The following PTCH2 variants were observed in gnomAD, a reference collection of about 807,000 sequenced individuals.
PTCH2 encodes the protein protein patched homolog 2.
A neutral mutation model predicts 117.9 loss-of-function variants in PTCH2; 96 were observed. The observed-to-expected ratio is 0.81, with a 90% CI of 0.69 to 0.96. The LOEUF (loss-of-function observed/expected upper bound fraction) is 0.96, where lower values mean the gene tolerates loss of function less well. Among genes scored for constraint, PTCH2 ranks in the 50% least tolerant of loss-of-function variants. PTCH2 has a pLI of 0.00. For synonymous variants in PTCH2, 615 were observed against 660.9 expected (o/e 0.93, Z 1.06); for missense variants, 1,379 against 1,562.5 (o/e 0.88, Z 1.98).
chr1:44,830,587 C>CAAAAAAAAAAAAAAAAAAAAAAAAAAAA lies in PTCH2; in HGVS notation c.813+260_813+261insTTTTTTTTTTTTTTTTTTTTTTTTTTTT, dbSNP rs768951349. Reference sequence around the variant, plus strand: ...CCAGCCTGGGTGACAGAGTGAGACTCAAAAAAAAAAAAAAAAAGAAGTCCA... The same window carrying CAAAAAAAAAAAAAAAAAAAAAAAAAAAA: ...CCAGCCTGGGTGACAGAGTGAGACTCAAAAAAAAAAAAAAAAAAAAAAAAAAAAAAAAAAAAAAAAAAAAAGAAGTCCA... On this transcript the variant is annotated intron_variant, in intron 6 of 21. Coordinates refer to ENST00000372192, the MANE Select transcript of PTCH2 (RefSeq NM_003738.5). Among the ~76,000 whole-genome samples, 145 of 65,086 alleles carry CAAAAAAAAAAAAAAAAAAAAAAAAAAAA rather than the reference C, an allele frequency of 2.2e-3. 12 individuals are homozygous for CAAAAAAAAAAAAAAAAAAAAAAAAAAAA. The highest frequency in any genetic ancestry group is 8.7e-3 in the African/African-American group (127 of 14,648). The allele number at this position is 65,086 out of a possible 152,430, so 42.7% of individuals were successfully genotyped here. A position where few individuals can be genotyped will look rare whatever the true frequency, so the allele number is the denominator to read the frequency against.
In PTCH2 at chr1:44,827,848, C is replaced by G; in HGVS notation, c.2053G>C (p.Ala685Pro). ...CCTGCTCTGCCCAGTCTTACCTTAG[C>G]ATGTGACTGGAGCAGCAACGGGGCA... ...QFAPLLLQSHAKAIVLVLFGA... is the reference protein window; with the variant it reads ...QFAPLLLQSHPKAIVLVLFGA... The change falls in exon 14 of 22, where the codon GCT becomes CCT. Residue 685 changes from alanine (A) to proline (P), a missense_variant. Physicochemically the swap from Ala to Pro is conservative, Grantham distance 27. Coordinates refer to ENST00000372192, the MANE Select transcript of PTCH2 (RefSeq NM_003738.5). 1 of 1,614,110 alleles carries G rather than the reference C, an allele frequency of 6.2e-7. No individual in the cohort carries two copies. The highest frequency in any genetic ancestry group is 8.5e-7 in the Non-Finnish European group (1 of 1,180,016).
At chr1:44,828,806 A>C (rs1306528667) in intron 11 of PTCH2, among the ~76,000 whole-genome samples, 175 bp from the exon 12 acceptor site, 1 of 152,192 alleles carries the variant, frequency 6.6e-6, no homozygotes, top group East Asian at 1.9e-4. Context: ...ATTCAACTTG[A>C]GTTACCTCAC....
chr1:44,827,687 G>C lies in PTCH2; in HGVS notation c.2086C>G (p.Leu696Val). ...GCTCCGTAGAGGCTCAGGCCCAGAAGAGCACCAAAGAGCACCAGCACGATG... is the reference window on the plus strand; with the variant it reads ...GCTCCGTAGAGGCTCAGGCCCAGAACAGCACCAAAGAGCACCAGCACGATG... ...KAIVLVLFGA[L>V]LGLSLYGATL... is the part of the protein sequence containing the mutation. Residue 696 changes from leucine (L) to valine (V), a missense_variant, in exon 15 of 22, where the codon CTT becomes GTT. Transcript: ENST00000372192. 1 of 1,611,644 alleles carries C rather than the reference G, an allele frequency of 6.2e-7. No individual in the cohort carries two copies. Among genetic ancestry groups the C allele is most frequent in the Non-Finnish European group, 8.5e-7 (1 of 1,180,018 alleles).
rs751820499 is a variant in PTCH2 at position 44,841,857 on chromosome 1, G to C, written c.255C>G (p.Leu85=). 11 of 1,614,048 alleles carry C rather than the reference G, an allele frequency of 6.8e-6. No homozygotes were observed. In the African/African-American group the frequency reaches 1.5e-4, roughly 22 times the overall value. ...GTGTCCACAACTTACCTTCTACCCA[G>C]AGCTGTTCCAAGTTTGTCTCAATAA... The part of the protein sequence containing the change: ...MAIIETNLEQ[L]WVEVGSRVSQ... The change falls in exon 2 of 22, where the codon CTC becomes CTG. Residue 85 remains leucine (L), a synonymous_variant. Transcript: ENST00000372192.
chr1:44,827,760 G>GC (rs1406724734), intron 14 of PTCH2, 46 bp from the exon 15 acceptor site: 2 of 1,611,426 alleles, frequency 1.2e-6, no homozygotes, highest in African/African-American at 1.3e-5. Context: ...GCTGCCCCCA[G>GC]CCCCTCAGGC....
chr1:44,840,101 A>ATTT (rs1161806201), intron 2 of PTCH2, among the ~76,000 whole-genome samples: 101 of 132,318 alleles, frequency 7.6e-4, no homozygotes, highest in Non-Finnish European at 1.4e-3. Flanking sequence ...TCATGCTGAA[A>ATTT]TTTTTTTTTT....
intron 1 of PTCH2, 36 bp from the exon 2 acceptor site, chr1:44,842,075 T>A (rs1243462657): frequency 1.3e-6 from 2 of 1,544,048 alleles, no homozygotes; most frequent in African/African-American, 2.7e-5. Context: ...CAGGCATCAC[T>A]GCAACAATGC....
rs1251079220 is a variant in PTCH2 at position 44,826,752 on chromosome 1, G to C, written c.2712C>G (p.Pro904=). Reference sequence around the variant, plus strand: ...GGAAGGGGAACTGGGCAAACTCCAAGGGCTGAGCTGGCGGGACTGTGGAGG... The same window carrying C: ...GGAAGGGGAACTGGGCAAACTCCAACGGCTGAGCTGGCGGGACTGTGGAGG... ...GENLRIPPAQ[P]LEFAQFPFLL... is the part of the protein sequence containing the mutation. Residue 904 remains proline, a synonymous_variant, in exon 18 of 22, where the codon CCC becomes CCG. Transcript: ENST00000372192. This position sits in a 1 kb window ranked among gnomAD's most constrained non-coding sequence, Gnocchi z 5.1. 2.5e-6 allele frequency: 4 copies of C among 1,596,458 alleles called. 1 individual carries two copies. In the South Asian group the frequency reaches 4.5e-5, roughly 18 times the overall value.
chr1:44,831,943 G>A lies in PTCH2; in HGVS notation c.525+32C>T. 1.3e-6 allele frequency: 2 copies of A among 1,591,330 alleles called. No homozygotes were observed. The highest frequency in any genetic ancestry group is 2.7e-5 in the African/African-American group (2 of 74,442). ...TGAGTCCTCCCACGCTACAGAAAAA[G>A]TTCTGCCTCTACTCCCTCTCAGGAC... On this transcript the variant is annotated intron_variant, in intron 4 of 21. Transcript: ENST00000372192. The surrounding 1 kb of genome is among the most constrained non-coding windows in gnomAD (Gnocchi z 4.3).
At position 44,829,529 on chromosome 1, in the gene PTCH2, G is replaced by C. The variant is rs369051009; in HGVS notation, c.1088C>G (p.Ala363Gly). The stretch of plus-strand genomic sequence containing the variant: ...AGCGTTCTCAGGCAGGGCCTCCTGG[G>C]CCAGCTGGAGAAACAGGGTGGATAG... The part of the protein sequence containing the change: ...QAWQRRFVQL[A>G]QEALPENASQ... Residue 363 changes from alanine to glycine, a missense_variant, in exon 9 of 22, where the codon GCC becomes GGC. Coordinates refer to ENST00000372192, the MANE Select transcript of PTCH2 (RefSeq NM_003738.5). The C allele has an allele frequency of 6.2e-7, 1 of 1,614,048 alleles. No individual in the cohort carries two copies. Among genetic ancestry groups the C allele is most frequent in the Non-Finnish European group, 8.5e-7 (1 of 1,180,018 alleles).
intron 2 of PTCH2, among the ~76,000 whole-genome samples, chr1:44,840,380 G>A (rs554165008): frequency 3.4e-5 from 5 of 147,832 alleles, no homozygotes; most frequent in African/African-American, 7.3e-5. Flanking sequence ...GATTACAGGC[G>A]TGAGCCACCG....
At chr1:44,835,806 C>G (rs1454259549) in intron 2 of PTCH2, among the ~76,000 whole-genome samples, 3 of 152,132 alleles carry the variant, frequency 2.0e-5, no homozygotes, top group Non-Finnish European at 4.4e-5. Context: ...GAAACGTGTC[C>G]TGGACCAGGT....
At position 44,829,253 on chromosome 1, in the gene PTCH2, C is replaced by A. The variant is rs768445125; in HGVS notation, c.1275G>T (p.Val425=). ...CCACCAGCAGTACCCCGGCAAGGCC[C>A]ACGGAACCCTGGGACTGGGCGCAGT... The part of the protein sequence containing the change: ...RWDCAQSQGS[V]GLAGVLLVAL... The change falls in exon 10 of 22, where the codon GTG becomes GTT. Residue 425 remains valine (V), a synonymous_variant. Transcript: ENST00000372192. 2 of 1,613,442 alleles carry A rather than the reference C, an allele frequency of 1.2e-6. No homozygotes were observed. Among genetic ancestry groups the A allele is most frequent in the Non-Finnish European group, 1.7e-6 (2 of 1,180,030 alleles).
chr1:44,820,447 C>A, downstream of PTCH2: 1 of 681,556 alleles, frequency 1.5e-6, no homozygotes. Context: ...AACAGACGGG[C>A]ACAGACACTC....
rs1432635286 is a variant in PTCH2 at position 44,829,774 on chromosome 1, T to G, written c.936-13A>C. The G allele has an allele frequency of 1.2e-6, 2 of 1,613,940 alleles. No homozygotes were observed. The highest frequency in any genetic ancestry group is 1.7e-6 in the Non-Finnish European group (2 of 1,180,010). ...CAGGGCCTCTGCCCTGGTGGGGGTG[T>G]GGGAGAACCAGGGGTCAGAGCTGGC... On this transcript the variant is annotated splice_polypyrimidine_tract_variant and intron_variant, in intron 7 of 21. Transcript: ENST00000372192.
At chr1:44,836,702 C>G (rs1245260417) in intron 2 of PTCH2, among the ~76,000 whole-genome samples, 1 of 151,840 alleles carries the variant, frequency 6.6e-6, no homozygotes, top group Non-Finnish European at 1.5e-5. Context: ...AAGACTCTGT[C>G]TCGGGGGATG....
In PTCH2 at chr1:44,829,453, A is replaced by G. The variant is rs1406598958; in HGVS notation, c.1164T>C (p.His388=). 1 of 1,614,124 alleles carries G rather than the reference A, an allele frequency of 6.2e-7. No individual in the cohort carries two copies. The highest frequency in any genetic ancestry group is 8.5e-7 in the Non-Finnish European group (1 of 1,180,036). The part of the protein sequence containing the change: ...FSSTTLDDIL[H]AFSEVSAARV... Reference sequence around the variant, plus strand: ...GGGCAGCACTGACTTCAGAGAACGCATGCAGGATGTCATCCAGGGTGGTGG... The same window carrying G: ...GGGCAGCACTGACTTCAGAGAACGCGTGCAGGATGTCATCCAGGGTGGTGG... The change falls in exon 9 of 22, where the codon CAT becomes CAC. Residue 388 remains histidine, a synonymous_variant. Coordinates refer to ENST00000372192, the MANE Select transcript of PTCH2 (RefSeq NM_003738.5).
chr1:44,826,142 A>C lies in PTCH2; in HGVS notation c.3114+108T>G, dbSNP rs538340150. On this transcript the variant is annotated intron_variant, in intron 19 of 21. Coordinates refer to ENST00000372192, the MANE Select transcript of PTCH2 (RefSeq NM_003738.5). The surrounding 1 kb of genome is among the most constrained non-coding windows in gnomAD (Gnocchi z 5.1). Reference sequence around the variant, plus strand: ...ATTACAGGAATGAGCTACCACGTCCACCCAGCCCAAATTCTTAAATAGTAC... The same window carrying C: ...ATTACAGGAATGAGCTACCACGTCCCCCCAGCCCAAATTCTTAAATAGTAC... 13 of 1,454,136 alleles carry C rather than the reference A, an allele frequency of 8.9e-6. No homozygotes were observed. In the East Asian group the frequency reaches 2.7e-4, roughly 31 times the overall value. 90.1% of individuals were successfully genotyped at this position (1,454,136 alleles called of 1,614,324 possible).
chr1:44,833,040 C>A (rs916938166), intron 2 of PTCH2, among the ~76,000 whole-genome samples: 3 of 152,146 alleles, frequency 2.0e-5, no homozygotes, highest in Non-Finnish European at 4.4e-5. Context: ...GGGGTGAAAT[C>A]AAAGTGGGCC....
Sources: gnomAD v4.1 joint callset for allele counts (sites outside exome capture counted in the v4.1 genomes callset) on GRCh38, gnomAD v4.1.1 for gene constraint, Gnocchi (gnomAD v3.1) non-coding constraint, MANE v1.5 for transcripts, NCBI Gene and HGNC (gene_info 2026-07-23, HGNC 2026-07-21) for gene names.